IQSEC3: variants seen among roughly 807,000 people sequenced by gnomAD.
The protein encoded by IQSEC3 is IQ motif and SEC7 domain-containing protein 3.
IQSEC3 carries 50 observed loss-of-function variants against 105.4 expected under a neutral mutation model. The observed-to-expected ratio is 0.47, with a 90% CI of 0.38 to 0.60. The LOEUF (loss-of-function observed/expected upper bound fraction) is 0.60. Among genes scored for constraint, IQSEC3 ranks in the 20% least tolerant of loss-of-function variants. IQSEC3 has a pLI of 0.00. For missense variants in IQSEC3, 1,415 were observed against 1,630.0 expected (o/e 0.87, Z 2.27); for synonymous variants, 708 against 746.0 (o/e 0.95, Z 0.83).
intron 7 of IQSEC3, 104 bp downstream of exon 7, chr12:157,798 C>T: frequency 7.6e-7 from 1 of 1,311,202 alleles, no homozygotes; most frequent in Non-Finnish European, 1.0e-6. Context: ...AGATGGTCAC[C>T]TGCTGTCTGG....
chr12:112,179 G>A (rs910823491), intron 2 of IQSEC3, among the ~76,000 whole-genome samples: 5 of 152,044 alleles, frequency 3.3e-5, no homozygotes, highest in Non-Finnish European at 7.3e-5. Flanking sequence ...ATTTATGACC[G>A]AAGTAGCTGG....
intron 3 of IQSEC3, 65 bp downstream of exon 3, chr12:125,977 G>GGC: frequency 6.8e-7 from 1 of 1,473,910 alleles, no homozygotes. Context: ...GGGCTGTCGA[G>GGC]GGTACCAGGG....
At chr12:150,075 G>T (rs3888294) in intron 5 of IQSEC3, among the ~76,000 whole-genome samples, 2 of 151,898 alleles carry the variant, frequency 1.3e-5, no homozygotes, top group Non-Finnish European at 2.9e-5. Context: ...TGATGAGAAA[G>T]GATGAAGCCC....
chr12:156,772 G>A (rs550964838), intron 5 of IQSEC3, among the ~76,000 whole-genome samples: 17 of 152,306 alleles, frequency 1.1e-4, no homozygotes, highest in African/African-American at 2.9e-4. Context: ...TGGAAGATCC[G>A]AGTTCAGCCT....
chr12:171,334 C>T, intron 13 of IQSEC3, 173 bp downstream of exon 13: 1 of 1,612,100 alleles, frequency 6.2e-7, no homozygotes. Flanking sequence ...TGGGTAATGC[C>T]ACTGTTCCAG....
At chr12:154,701 C>T (rs918817819) in intron 5 of IQSEC3, among the ~76,000 whole-genome samples, 5 of 152,148 alleles carry the variant, frequency 3.3e-5, no homozygotes, top group Non-Finnish European at 7.4e-5. Flanking sequence ...CTCTACCAGA[C>T]TTCTTCTGTC....
At chr12:81,747 C>T (rs533268240) in intron 1 of IQSEC3, among the ~76,000 whole-genome samples, 11 of 152,148 alleles carry the variant, frequency 7.2e-5, no homozygotes, top group Admixed American at 1.3e-4. Context: ...GACTGGGCCA[C>T]GCCACCAAGG....
chr12:127,505 G>C (rs945485469), intron 3 of IQSEC3, among the ~76,000 whole-genome samples: 26 of 151,868 alleles, frequency 1.7e-4, no homozygotes, highest in African/African-American at 5.8e-4. Flanking sequence ...GACAGAGTGA[G>C]ACTCTGTCTC....
chr12:153,647 G>GGGGAGGAA (rs1459832491), intron 5 of IQSEC3, among the ~76,000 whole-genome samples: 7 of 152,216 alleles, frequency 4.6e-5, no homozygotes, highest in African/African-American at 1.7e-4. Context: ...AATGCAGTGA[G>GGGGAGGAA]GGGAGGAAGG....
intron 2 of IQSEC3, among the ~76,000 whole-genome samples, chr12:119,736 G>T (rs782419375): frequency 2.5e-4 from 38 of 152,160 alleles, no homozygotes; most frequent in Non-Finnish European, 4.7e-4. Flanking sequence ...AGCCCATGTT[G>T]GGTAAGAATG....
intron 2 of IQSEC3, among the ~76,000 whole-genome samples, chr12:111,004 G>A (rs534974935): frequency 6.6e-5 from 10 of 152,164 alleles, no homozygotes; most frequent in Non-Finnish European, 1.3e-4. Context: ...GTGACCCCCC[G>A]ATTCCTCTTC....
intron 1 of IQSEC3, among the ~76,000 whole-genome samples, chr12:75,586 G>T (rs1863486746): frequency 6.6e-6 from 1 of 152,244 alleles, no homozygotes; most frequent in Non-Finnish European, 1.5e-5. Flanking sequence ...GACTCTGTTG[G>T]GGTTTGCTAT....
chr12:81,174 C>A (rs1255248651), intron 1 of IQSEC3, among the ~76,000 whole-genome samples: 4 of 152,128 alleles, frequency 2.6e-5, no homozygotes, highest in Non-Finnish European at 5.9e-5. Context: ...TGGGTAAGGG[C>A]CATGTCAAAC....
At chr12:174,370 A>G (rs140508242) in intron 13 of IQSEC3, among the ~76,000 whole-genome samples, 297 of 152,236 alleles carry the variant, frequency 2.0e-3, no homozygotes, top group African/African-American at 6.7e-3. Flanking sequence ...CCGTACAGCG[A>G]CACTGCTCAC....
chr12:122,133 C>T (rs1187717865), intron 2 of IQSEC3, among the ~76,000 whole-genome samples: 1 of 152,130 alleles, frequency 6.6e-6, no homozygotes, highest in East Asian at 1.9e-4. Flanking sequence ...TCATTGTATA[C>T]CTGAGAGGGC....
At chr12:149,836 G>A (rs2137026422) in intron 5 of IQSEC3, among the ~76,000 whole-genome samples, 1 of 152,312 alleles carries the variant, frequency 6.6e-6, no homozygotes, top group African/African-American at 2.4e-5. Flanking sequence ...GTGAGAGCCA[G>A]GCTGCAGGGG....
intron 5 of IQSEC3, among the ~76,000 whole-genome samples, chr12:156,142 GA>G (rs1866676297): frequency 6.6e-6 from 1 of 152,140 alleles, no homozygotes; most frequent in African/African-American, 2.4e-5. Context: ...TAGCTGGGGG[GA>G]ACTGGCATGT....
At chr12:173,680 G>T (rs1207157689) in intron 13 of IQSEC3, among the ~76,000 whole-genome samples, 2 of 152,202 alleles carry the variant, frequency 1.3e-5, no homozygotes, top group Admixed American at 1.3e-4. Flanking sequence ...TTTGGAGGGG[G>T]TTGGGTGGTG....
intron 5 of IQSEC3, among the ~76,000 whole-genome samples, chr12:147,446 C>G (rs1866323115): frequency 6.6e-6 from 1 of 152,204 alleles, no homozygotes; most frequent in Non-Finnish European, 1.5e-5. Flanking sequence ...GGTTGGGGAG[C>G]TTGCCCACAG....
Sources: allele counts gnomAD v4.1 joint callset (sites outside exome capture counted in the v4.1 genomes callset), GRCh38; gene constraint gnomAD v4.1.1; transcripts MANE v1.5; gene names NCBI Gene and HGNC (gene_info 2026-07-23, HGNC 2026-07-21).